ZSWIM5: variants seen among roughly 807,000 people sequenced by gnomAD.
The protein encoded by ZSWIM5 is zinc finger SWIM-type containing 5, also known as zinc finger SWIM domain-containing protein 5.
Under a neutral mutation model 119.6 loss-of-function variants are expected in ZSWIM5, and 55 were observed. That is an observed-to-expected ratio of 0.46 (90% CI 0.37 to 0.58). ZSWIM5 has a LOEUF of 0.58. ZSWIM5 is among the 20% of genes least tolerant of loss of function. ZSWIM5 has a pLI of 0.00. For missense variants in ZSWIM5, 1,193 were observed against 1,512.8 expected, an observed-to-expected ratio of 0.79 and a Z score of 3.51; for synonymous variants, 537 against 606.9, an observed-to-expected ratio of 0.88 and a Z score of 1.69.
intron 11 of ZSWIM5, among the ~76,000 whole-genome samples, chr1:45,025,612 A>G (rs527258974): frequency 2.0e-5 from 3 of 152,220 alleles, no homozygotes; most frequent in Admixed American, 2.0e-4. Context: ...TCAAATTCCA[A>G]TTGTTCTTTG....
At chr1:45,046,718 C>CA (rs1645057162) in intron 5 of ZSWIM5, among the ~76,000 whole-genome samples, 1 of 150,718 alleles carries the variant, frequency 6.6e-6, no homozygotes, top group Non-Finnish European at 1.5e-5. Context: ...ATGCAATCAA[C>CA]AAAGAAGTAT....
chr1:45,170,403 T>G (rs1422770605), intron 1 of ZSWIM5, among the ~76,000 whole-genome samples: 1 of 150,690 alleles, frequency 6.6e-6, no homozygotes, highest in African/African-American at 2.4e-5. Context: ...GGAAATGTTA[T>G]ACAAACAAAG....
At position 45,019,219 on chromosome 1, in the gene ZSWIM5, G is replaced by A; in HGVS notation, c.2793C>T (p.Thr931=). 3.7e-6 allele frequency: 6 copies of A among 1,613,704 alleles called. No individual in the cohort carries two copies. Among genetic ancestry groups the A allele is most frequent in the Admixed American group, 1.7e-5 (1 of 60,032 alleles). Reference sequence around the variant, plus strand: ...AGTCAAGACTGAGGCGCAGGATAGTGGTGTGGGATACGGCTGTGGCAGCTA... The same window carrying A: ...AGTCAAGACTGAGGCGCAGGATAGTAGTGTGGGATACGGCTGTGGCAGCTA... ...SIVAATAVSH[T]TILRLSLDYP... Residue 931 remains threonine, a synonymous_variant, in exon 14 of 14, where the codon ACC becomes ACT. Transcript: ENST00000359600. The surrounding 1 kb of genome is among the most constrained non-coding windows in gnomAD (Gnocchi z 5.0).
rs767367075 is a variant in ZSWIM5 at position 45,034,383 on chromosome 1, C to T, written c.2378G>A (p.Arg793His). The T allele has an allele frequency of 2.9e-5, 46 of 1,613,864 alleles. No individual in the cohort carries two copies. In the East Asian group the frequency reaches 7.6e-4, roughly 27 times the overall value. ...MVSVVPSRYP[R>H]WFTLGHLESQ... ...TTCCAAGTGTCCAAGCGTGAACCAG[C>T]GAGGATAACGGCTGGGCACCACAGA... Residue 793 changes from arginine (R) to histidine (H), a missense_variant, in exon 11 of 14, where the codon CGC becomes CAC. Arg to His is a conservative substitution (Grantham distance 29, BLOSUM62 0). Transcript: ENST00000359600.
chr1:45,020,570 C>T, intron 12 of ZSWIM5, 55 bp downstream of exon 12: 1 of 1,576,398 alleles, frequency 6.3e-7, no homozygotes, highest in South Asian at 1.2e-5. Context: ...TATCTTCTGC[C>T]AACTGTCACT....
At chr1:45,102,049 A>C (rs1204163577) in intron 1 of ZSWIM5, among the ~76,000 whole-genome samples, 2 of 152,018 alleles carry the variant, frequency 1.3e-5, no homozygotes, top group Non-Finnish European at 2.9e-5. Flanking sequence ...TAAAAAAAAA[A>C]AAACTGTGAA....
chr1:45,033,221 T>A (rs1424536603), intron 11 of ZSWIM5, among the ~76,000 whole-genome samples: 1 of 152,224 alleles, frequency 6.6e-6, no homozygotes, highest in Non-Finnish European at 1.5e-5. Context: ...TTTAGTTGTC[T>A]AAAAACGATT....
intron 11 of ZSWIM5, among the ~76,000 whole-genome samples, chr1:45,023,376 C>CT (rs1027272630): frequency 2.0e-5 from 3 of 150,878 alleles, no homozygotes; most frequent in African/African-American, 4.9e-5. Context: ...CTTTCTTCTT[C>CT]TTTTTTTTAA....
chr1:45,107,836 C>A (rs547603024), intron 1 of ZSWIM5, among the ~76,000 whole-genome samples: 2 of 151,872 alleles, frequency 1.3e-5, no homozygotes, highest in African/African-American at 2.4e-5. Context: ...ATGTCACCTA[C>A]GCTGGAGTGC....
intron 2 of ZSWIM5, chr1:45,070,352 G>A (rs1570056219): frequency 7.1e-7 from 1 of 1,414,030 alleles, no homozygotes; most frequent in Non-Finnish European, 1.0e-6. Context: ...CCAACGGCAT[G>A]GGCAGCCAGG....
At chr1:45,138,926 C>G (rs745929095) in intron 1 of ZSWIM5, among the ~76,000 whole-genome samples, 146 of 146,172 alleles carry the variant, frequency 1.0e-3, no homozygotes, top group Non-Finnish European at 2.1e-3. Context: ...GAGTCTTGCT[C>G]TATTGCCCAG....
At position 45,017,503 on chromosome 1, in the gene ZSWIM5, C is replaced by T. The variant is rs545203303; in HGVS notation, c.*951G>A. The T allele has an allele frequency of 1.3e-5, 2 of 152,324 alleles. No individual in the cohort carries two copies. Among genetic ancestry groups the T allele is most frequent in the East Asian group, 3.9e-4 (2 of 5,186 alleles). The allele number at this position is 152,324 out of a possible 1,614,324, so 9.4% of individuals were successfully genotyped here. On this transcript the variant is annotated 3_prime_UTR_variant, in exon 14 of 14. Coordinates refer to ENST00000359600, the MANE Select transcript of ZSWIM5 (RefSeq NM_020883.2). ...TACACAGCCATAGAACTGACACATA[C>T]ACATAAATATATATGTGCACAAACA...
rs759591812 is a variant in ZSWIM5 at position 45,034,379 on chromosome 1, C to A, written c.2382G>T (p.Trp794Cys). ...GTGATTCCAAGTGTCCAAGCGTGAA[C>A]CAGCGAGGATAACGGCTGGGCACCA... ...VSVVPSRYPR[W>C]FTLGHLESQQ... is the part of the protein sequence containing the mutation. Residue 794 changes from tryptophan to cysteine, a missense_variant, in exon 11 of 14, where the codon TGG becomes TGT. Physicochemically the swap from Trp to Cys is radical, Grantham distance 215. Around this residue, in one of 2 missense-constraint regions of ZSWIM5, gnomAD observed 961 missense variants for 1,290.0 expected, o/e 0.74. Transcript: ENST00000359600. 1.2e-6 allele frequency: 2 copies of A among 1,614,006 alleles called. No individual in the cohort carries two copies. The highest frequency in any genetic ancestry group is 1.7e-6 in the Non-Finnish European group (2 of 1,179,934).
In ZSWIM5 at chr1:45,036,291, C is replaced by T. The variant is rs138503473; in HGVS notation, c.1903G>A (p.Glu635Lys). Residue 635 changes from glutamate (E) to lysine (K), a missense_variant, in exon 9 of 14, where the codon GAA (glutamate) becomes AAA (lysine). Coordinates refer to ENST00000359600, the MANE Select transcript of ZSWIM5 (RefSeq NM_020883.2). ...TGCTGGTACACAGGGGGTCTGCTTT[C>T]ATTCATATCTGAGGGCAACAGGGCA... ...DGYLEMSDMN[E>K]SRPPVYQHVP... The T allele has an allele frequency of 1.2e-6, 2 of 1,611,426 alleles. No homozygotes were observed. Among genetic ancestry groups the T allele is most frequent in the East Asian group, 2.2e-5 (1 of 44,800 alleles).
chr1:45,193,885 G>T (rs1389901787), intron 1 of ZSWIM5, among the ~76,000 whole-genome samples: 1 of 151,588 alleles, frequency 6.6e-6, no homozygotes, highest in Non-Finnish European at 1.5e-5. Flanking sequence ...CTTTGAAGGA[G>T]CCAGAATTAC....
intron 1 of ZSWIM5, among the ~76,000 whole-genome samples, chr1:45,137,203 C>G (rs909140554): frequency 5.9e-5 from 9 of 151,932 alleles, no homozygotes; most frequent in Non-Finnish European, 1.3e-4. Flanking sequence ...AGCTGGAACT[C>G]CAAGCACACA....
At chr1:45,034,208 C>T in intron 11 of ZSWIM5, 104 bp downstream of exon 11, 6 of 1,378,714 alleles carry the variant, frequency 4.4e-6, no homozygotes, top group Non-Finnish European at 4.9e-6. Flanking sequence ...TCTAAATGGT[C>T]AAGGAGCTTC....
At chr1:45,188,825 A>G (rs1646074604) in intron 1 of ZSWIM5, among the ~76,000 whole-genome samples, 1 of 152,254 alleles carries the variant, frequency 6.6e-6, no homozygotes, top group Non-Finnish European at 1.5e-5. Flanking sequence ...TTTATCACAC[A>G]GATATATAAC....
At chr1:45,074,025 G>A (rs1645241026) in intron 2 of ZSWIM5, among the ~76,000 whole-genome samples, 1 of 151,898 alleles carries the variant, frequency 6.6e-6, no homozygotes, top group Non-Finnish European at 1.5e-5. Flanking sequence ...CTGATATGAT[G>A]TATCATATTG....
Sources: gnomAD v4.1 joint callset for allele counts (sites outside exome capture counted in the v4.1 genomes callset) on GRCh38, gnomAD v4.1.1 for gene constraint, gnomAD v4.1.1 regional missense constraint, Gnocchi (gnomAD v3.1) non-coding constraint, MANE v1.5 for transcripts, NCBI Gene and HGNC (gene_info 2026-07-23, HGNC 2026-07-21) for gene names.